RRP12: variants seen among roughly 807,000 people sequenced by gnomAD.
RRP12 encodes ribosomal RNA processing 12 homolog.
Under a neutral mutation model 157.3 loss-of-function variants are expected in RRP12, and 78 were observed. The ratio of observed to expected loss-of-function variants is 0.50; its 90% CI spans 0.41 to 0.60. The LOEUF is 0.60. Ranked by LOEUF, RRP12 falls within the 20% of genes least tolerant of loss-of-function variation. The pLI is 0.00. For missense variants in RRP12, 1,521 were observed against 1,679.9 expected, an observed-to-expected ratio of 0.91 and a Z score of 1.65; for synonymous variants, 726 against 670.9, an observed-to-expected ratio of 1.08 and a Z score of -1.27.
At position 97,357,058 on chromosome 10, in the gene RRP12, A is replaced by G. The variant is rs1426717992; in HGVS notation, c.*36T>C. The G allele has an allele frequency of 7.6e-7, 1 of 1,309,918 alleles. No individual in the cohort carries two copies. The allele number at this position is 1,309,918 out of a possible 1,614,324, so 81.1% of individuals were successfully genotyped here. A position where few individuals can be genotyped will look rare whatever the true frequency, so the allele number is the denominator to read the frequency against. On this transcript the variant is annotated 3_prime_UTR_variant, in exon 34 of 34. Transcript: ENST00000370992. ...GCAGCCTGGGGGCTGAAAGGGCCTCAGACTGGACCACAGGGCAGCCCAGGG... is the reference window on the plus strand; with the variant it reads ...GCAGCCTGGGGGCTGAAAGGGCCTCGGACTGGACCACAGGGCAGCCCAGGG...
At chr10:97,367,889 G>A (rs796396295) in intron 25 of RRP12, among the ~76,000 whole-genome samples, 76 of 152,156 alleles carry the variant, frequency 5.0e-4, no homozygotes, top group African/African-American at 1.8e-3. Flanking sequence ...CTGCTATCAC[G>A]CCTGGCTAAT....
In RRP12 at chr10:97,392,606, C is replaced by T. The variant is rs143610009; in HGVS notation, c.530+1078G>A. Among the ~76,000 whole-genome samples, 64 of 152,250 alleles carry T rather than the reference C, an allele frequency of 4.2e-4. 1 individual carries two copies. The highest frequency in any genetic ancestry group is 1.3e-3 in the African/African-American group (56 of 41,540). ...GCAAGCAATCCTCCTGCCTCAGCCT[C>T]CAAAAGTGCTGGGATTACAGGTATG... On this transcript the variant is annotated intron_variant, in intron 4 of 33. Transcript: ENST00000370992.
chr10:97,389,372 C>T (rs1244040852), intron 6 of RRP12, among the ~76,000 whole-genome samples: 2 of 151,958 alleles, frequency 1.3e-5, no homozygotes, highest in Admixed American at 6.6e-5. Flanking sequence ...GGATTACAGC[C>T]GTGAGCCACC....
At chr10:97,391,558 C>T (rs569498039) in intron 4 of RRP12, among the ~76,000 whole-genome samples, 28 of 151,496 alleles carry the variant, frequency 1.8e-4, no homozygotes, top group African/African-American at 1.7e-4. Context: ...GCAACAAGAG[C>T]GAAACTCTGT....
chr10:97,370,300 AAGC>A (rs745426290), intron 23 of RRP12, 26 bp from the exon 24 acceptor site: 16 of 1,534,374 alleles, frequency 1.0e-5, no homozygotes, highest in Non-Finnish European at 4.4e-6. Flanking sequence ...AACGTGGGTC[AAGC>A]AGGAAGGACC....
In RRP12 at chr10:97,369,516, G is replaced by A. The variant is rs773847966; in HGVS notation, c.2864C>T (p.Thr955Ile). ...CAGTGCAGACTTGACCACGTCACGG[G>A]TGCGGGAGGCCAGAAGCAGGCACAC... ...ENVCLLLASR[T>I]RDVVKSALGF... The change falls in exon 25 of 34, where the codon ACC becomes ATC. Residue 955 changes from threonine (T) to isoleucine (I), a missense_variant. Thr to Ile is a moderately conservative substitution (Grantham distance 89, BLOSUM62 -1). Transcript: ENST00000370992. 3 of 1,601,774 alleles carry A rather than the reference G, an allele frequency of 1.9e-6. No individual in the cohort carries two copies. The highest frequency in any genetic ancestry group is 2.2e-5 in the South Asian group (2 of 88,996).
chr10:97,365,808 AGAG>A, intron 29 of RRP12: 1 of 304,374 alleles, frequency 3.3e-6, no homozygotes, highest in Non-Finnish European at 6.1e-6. Flanking sequence ...GGAGAAAGGA[AGAG>A]GAGGGGGAGG....
At chr10:97,366,004 G>T in intron 29 of RRP12, 104 bp downstream of exon 29, 1 of 1,466,884 alleles carries the variant, frequency 6.8e-7, no homozygotes. Flanking sequence ...AAGCTGCCGA[G>T]AGAAGAGTTT....
At chr10:97,381,991 G>A (rs1317013353) in intron 10 of RRP12, among the ~76,000 whole-genome samples, 165 bp from the exon 11 acceptor site, 4 of 152,168 alleles carry the variant, frequency 2.6e-5, no homozygotes, top group South Asian at 2.1e-4. Flanking sequence ...AGGCACTATC[G>A]TTCAAGTAAT....
rs771016888 is a variant in RRP12 at position 97,376,212 on chromosome 10, C to CTTTTTTTTT, written c.1799-2327_1799-2319dup. Among the ~76,000 whole-genome samples the CTTTTTTTTT allele has an allele frequency of 8.4e-5, 9 of 107,526 alleles. 1 individual carries two copies. The highest frequency in any genetic ancestry group is 2.7e-4 in the East Asian group (1 of 3,646). The allele number at this position is 107,526 out of a possible 152,430, so 70.5% of individuals were successfully genotyped here. ...GGGAAGACTGAATGACTTTTACTTT[C>CTTTTTTTTT]TTTTTTTTTTTTTTTTTTTTGAGAT... On this transcript the variant is annotated intron_variant, in intron 15 of 33. Coordinates refer to ENST00000370992, the MANE Select transcript of RRP12 (RefSeq NM_015179.4).
chr10:97,396,417 G>A, intron 2 of RRP12, 116 bp from the exon 3 acceptor site: 1 of 798,462 alleles, frequency 1.3e-6, no homozygotes. Flanking sequence ...AGACAGACAA[G>A]ACAGGCAACA....
At chr10:97,382,125 T>C in intron 10 of RRP12, among the ~76,000 whole-genome samples, 1 of 152,096 alleles carries the variant, frequency 6.6e-6, no homozygotes, top group Non-Finnish European at 1.5e-5. Flanking sequence ...AGGTTAAGTT[T>C]CTTAAATACC....
At position 97,357,281 on chromosome 10, in the gene RRP12, G is replaced by A. The variant is rs570317968; in HGVS notation, c.3792-85C>T. ...TGCCAAATGATGGCTCACCCCCAGC[G>A]CCAGCAGGGATGAGAAGGGGGCCTC... is the stretch of plus-strand genomic sequence containing the variant. On this transcript the variant is annotated intron_variant, in intron 33 of 33. Transcript: ENST00000370992. 25 of 829,388 alleles carry A rather than the reference G, an allele frequency of 3.0e-5. No homozygotes were observed. In the East Asian group the frequency reaches 3.2e-4, roughly 11 times the overall value. The allele number at this position is 829,388 out of a possible 1,614,324, so 51.4% of individuals were successfully genotyped here. A position where few individuals can be genotyped will look rare whatever the true frequency, so the allele number is the denominator to read the frequency against.
Position 97,360,599 on chromosome 10 carries a change from T to C in RRP12, c.3587A>G (p.Lys1196Arg), listed in dbSNP as rs145220994. The change falls in exon 31 of 34, where the codon AAG (lysine) becomes AGG (arginine). Residue 1196 changes from lysine to arginine, a missense_variant. Lys to Arg is a conservative substitution (Grantham distance 26, BLOSUM62 2). Transcript: ENST00000370992. ...IIRNKKHQKL[K>R]HQKEAEEEEL... ...CTCCTCCTCAGCCTCTTTCTGGTGCTTGAGCTTCTGGTGCTTTTTCTATAG... is the reference window on the plus strand; with the variant it reads ...CTCCTCCTCAGCCTCTTTCTGGTGCCTGAGCTTCTGGTGCTTTTTCTATAG... 478 of 1,613,900 alleles carry C rather than the reference T, an allele frequency of 3.0e-4. 1 individual carries two copies. The highest frequency in any genetic ancestry group is 4.0e-4 in the Non-Finnish European group (472 of 1,179,888).
intron 3 of RRP12, among the ~76,000 whole-genome samples, chr10:97,395,830 G>T (rs368706909): frequency 6.8e-6 from 1 of 146,956 alleles, no homozygotes; most frequent in African/African-American, 2.5e-5. Flanking sequence ...CAGCCTGGGC[G>T]ACAGTGTGAG....
At chr10:97,389,176 C>T (rs1019703708) in intron 6 of RRP12, among the ~76,000 whole-genome samples, 3 of 152,164 alleles carry the variant, frequency 2.0e-5, no homozygotes, top group Non-Finnish European at 4.4e-5. Flanking sequence ...TCACTGCAAG[C>T]TCCGCCTCCC....
chr10:97,374,273 G>A (rs1405452921), intron 15 of RRP12, among the ~76,000 whole-genome samples: 4 of 152,182 alleles, frequency 2.6e-5, no homozygotes, highest in Admixed American at 6.5e-5. Flanking sequence ...AGGCTCACGC[G>A]ATCCTCCTAC....
At chr10:97,378,831 T>C (rs1352943586) in intron 15 of RRP12, among the ~76,000 whole-genome samples, 8 of 152,096 alleles carry the variant, frequency 5.3e-5, no homozygotes, top group Non-Finnish European at 8.8e-5. Flanking sequence ...TGCTCCAGCC[T>C]GGGCAACAAG....
chr10:97,386,804 C>T (rs890375056), intron 8 of RRP12, among the ~76,000 whole-genome samples: 1 of 152,166 alleles, frequency 6.6e-6, no homozygotes, highest in Non-Finnish European at 1.5e-5. Context: ...TCCTGGCTAA[C>T]ACGGTGAAAC....
Sources: allele counts gnomAD v4.1 joint callset (sites outside exome capture counted in the v4.1 genomes callset), GRCh38; gene constraint gnomAD v4.1.1; transcripts MANE v1.5; gene names NCBI Gene and HGNC (gene_info 2026-07-23, HGNC 2026-07-21).